The following TRPS1 variants were observed in gnomAD, a reference collection of about 807,000 sequenced individuals.
TRPS1 encodes the protein transcriptional repressor GATA binding 1.
A neutral mutation model predicts 101.2 loss-of-function variants in TRPS1; 6 were observed. The observed-to-expected ratio is 0.06, with a 90% CI of 0.03 to 0.12. The LOEUF is 0.12. Among genes scored for constraint, TRPS1 ranks in the 10% least tolerant of loss-of-function variants. TRPS1 has a pLI of 1.00. For missense variants in TRPS1, 1,363 were observed against 1,567.0 expected, an observed-to-expected ratio of 0.87 and a Z score of 2.20; for synonymous variants, 578 against 589.8, an observed-to-expected ratio of 0.98 and a Z score of 0.29.
chr8:115,626,462 G>A lies in TRPS1; in HGVS notation c.-121-2704C>T, dbSNP rs375121155. Among the ~76,000 whole-genome samples, 7 of 151,734 alleles carry A rather than the reference G, an allele frequency of 4.6e-5. No homozygotes were observed. In the East Asian group the frequency reaches 1.2e-3, roughly 25 times the overall value. ...CAGATTCCAAGGCAATACTTCAATG[G>A]TAGATCGCTTTTTTTATAAACTGCT... On this transcript the variant is annotated intron_variant, in intron 1 of 6. Coordinates refer to ENST00000395715, the MANE Select transcript of TRPS1 (RefSeq NM_014112.5).
intron 5 of TRPS1, among the ~76,000 whole-genome samples, chr8:115,536,512 G>A (rs1423770930): frequency 2.8e-5 from 3 of 108,276 alleles, no homozygotes; most frequent in African/African-American, 1.3e-4. Context: ...GACAGAGGGA[G>A]ACTCCGTCTC....
chr8:115,565,853 A>G (rs1293841025), intron 5 of TRPS1, among the ~76,000 whole-genome samples: 1 of 152,156 alleles, frequency 6.6e-6, no homozygotes, highest in Non-Finnish European at 1.5e-5. Context: ...AAGAAGCATC[A>G]TGCTACATAA....
At chr8:115,499,966 T>TC (rs1815270400) in intron 5 of TRPS1, among the ~76,000 whole-genome samples, 2 of 105,462 alleles carry the variant, frequency 1.9e-5, no homozygotes, top group African/African-American at 7.2e-5. Context: ...TTTCTTTCTT[T>TC]TCTTTTCTTT....
rs181654801 is a variant in TRPS1, at chr8:115,433,075, T to A, written c.2701-14623A>T. Among the ~76,000 whole-genome samples, 1,054 of 151,970 alleles carry A rather than the reference T, an allele frequency of 6.9e-3. 6 individuals carry two copies. Among genetic ancestry groups the A allele is most frequent in the Middle Eastern group, 0.014 (4 of 294 alleles). On this transcript the variant is annotated intron_variant, in intron 5 of 6. Coordinates refer to ENST00000395715, the MANE Select transcript of TRPS1 (RefSeq NM_014112.5). ...CAAACATTTGTGGCCAGTTAAGAAG[T>A]GATATAGAAAGAATTTGAAAATATC... is the stretch of plus-strand genomic sequence containing the variant.
chr8:115,501,647 C>G, intron 5 of TRPS1, among the ~76,000 whole-genome samples: 1 of 152,106 alleles, frequency 6.6e-6, no homozygotes, highest in South Asian at 2.1e-4. Flanking sequence ...CAAAACCAAA[C>G]AAAAAACCCA....
intron 5 of TRPS1, among the ~76,000 whole-genome samples, chr8:115,550,906 C>T (rs1012593934): frequency 6.6e-6 from 1 of 152,150 alleles, no homozygotes; most frequent in African/African-American, 2.4e-5. Flanking sequence ...CAATTTCATG[C>T]TAACATGGAA....
chr8:115,600,745 G>A (rs990306287), intron 4 of TRPS1, among the ~76,000 whole-genome samples: 4 of 151,430 alleles, frequency 2.6e-5, no homozygotes, highest in African/African-American at 9.8e-5. Context: ...TTGTTTTGTA[G>A]GGAAGTAATC....
At chr8:115,600,481 A>G (rs1342970937) in intron 4 of TRPS1, among the ~76,000 whole-genome samples, 3 of 152,136 alleles carry the variant, frequency 2.0e-5, no homozygotes, top group Non-Finnish European at 2.9e-5. Context: ...CACCTTTAAG[A>G]TCTAAGCTTA....
intron 4 of TRPS1, among the ~76,000 whole-genome samples, chr8:115,598,732 T>C (rs1817843479): frequency 2.0e-5 from 3 of 152,230 alleles, no homozygotes; most frequent in South Asian, 4.1e-4. Context: ...ATAGCTTTGA[T>C]GGGCAGAAAA....
chr8:115,649,508 CAAGTG>C (rs974898853), intron 1 of TRPS1, among the ~76,000 whole-genome samples: 309 of 152,274 alleles, frequency 2.0e-3, no homozygotes, highest in African/African-American at 6.2e-3. Flanking sequence ...GTTTCTATCT[CAAGTG>C]AAGACAACAT....
intron 1 of TRPS1, among the ~76,000 whole-genome samples, chr8:115,648,748 C>G (rs1370646373): frequency 6.6e-6 from 1 of 152,146 alleles, no homozygotes; most frequent in Non-Finnish European, 1.5e-5. Context: ...CTTTAAAGCT[C>G]TTTCATAAAA....
At chr8:115,635,289 A>AT (rs58560471) in intron 1 of TRPS1, among the ~76,000 whole-genome samples, 1,842 of 151,910 alleles carry the variant, frequency 0.012, 43 homozygotes, top group African/African-American at 0.042. Flanking sequence ...TGATATGAGA[A>AT]TTTTTTTTTC....
intron 5 of TRPS1, among the ~76,000 whole-genome samples, chr8:115,467,014 C>G (rs770851658): frequency 5.5e-4 from 83 of 152,054 alleles, no homozygotes; most frequent in Admixed American, 8.5e-4. Context: ...GTAATCTTAT[C>G]CTGTAATGGT....
intron 1 of TRPS1, among the ~76,000 whole-genome samples, chr8:115,632,773 C>T (rs1443729783): frequency 6.6e-6 from 1 of 152,024 alleles, no homozygotes; most frequent in Non-Finnish European, 1.5e-5. Context: ...AGTTCAAAAA[C>T]AAGTAGAACT....
intron 5 of TRPS1, among the ~76,000 whole-genome samples, chr8:115,559,086 T>A (rs1816889975): frequency 6.6e-6 from 1 of 152,146 alleles, no homozygotes. Flanking sequence ...CTTTTATTCT[T>A]TAATGTTACT....
intron 5 of TRPS1, among the ~76,000 whole-genome samples, chr8:115,457,027 A>AT (rs1365413014): frequency 2.6e-5 from 4 of 152,178 alleles, no homozygotes; most frequent in East Asian, 1.9e-4. Context: ...ATTAGACAAC[A>AT]TTTTTTGTTT....
intron 5 of TRPS1, among the ~76,000 whole-genome samples, chr8:115,545,637 CT>C (rs1816552071): frequency 6.6e-6 from 1 of 152,076 alleles, no homozygotes; most frequent in South Asian, 2.1e-4. Context: ...ACTGTACTTA[CT>C]TTAAAAAAAT....
chr8:115,458,366 T>A lies in TRPS1; in HGVS notation c.2701-39914A>T, dbSNP rs573346559. On this transcript the variant is annotated intron_variant, in intron 5 of 6. Coordinates refer to ENST00000395715, the MANE Select transcript of TRPS1 (RefSeq NM_014112.5). ...AGGACATGCCATCCTTTTAATCATCTTAATAGACATAAACATACTGAATCA... is the reference window on the plus strand; with the variant it reads ...AGGACATGCCATCCTTTTAATCATCATAATAGACATAAACATACTGAATCA... 1.7e-4 allele frequency among the ~76,000 whole-genome samples: 26 copies of A among 152,338 alleles called. No homozygotes were observed. The South Asian group carries it at 5.2e-3, about 30-fold the overall frequency.
chr8:115,657,357 A>G (rs1485103481), intron 1 of TRPS1, among the ~76,000 whole-genome samples: 1 of 152,140 alleles, frequency 6.6e-6, no homozygotes, highest in Non-Finnish European at 1.5e-5. Flanking sequence ...GATGGCTACT[A>G]TTCTAGTTTG....
Sources: allele counts gnomAD v4.1 joint callset (sites outside exome capture counted in the v4.1 genomes callset), GRCh38; gene constraint gnomAD v4.1.1; transcripts MANE v1.5; gene names NCBI Gene and HGNC (gene_info 2026-07-23, HGNC 2026-07-21).